Variants in VPS26C observed in about 807,000 individuals in gnomAD.
VPS26C encodes the protein vacuolar protein sorting-associated protein 26C.
Under a neutral mutation model 30.6 loss-of-function variants are expected in VPS26C, and 19 were observed. The ratio of observed to expected loss-of-function variants is 0.62; its 90% CI spans 0.43 to 0.91. The LOEUF (loss-of-function observed/expected upper bound fraction) is 0.91. VPS26C is among the 40% of genes least tolerant of loss of function. The pLI is 0.00. For synonymous variants in VPS26C, 132 were observed against 151.5 expected, an observed-to-expected ratio of 0.87 and a Z score of 0.95; for missense variants, 318 against 385.1, an observed-to-expected ratio of 0.83 and a Z score of 1.46.
intron 1 of VPS26C, among the ~76,000 whole-genome samples, chr21:37,241,779 G>A (rs62226501): frequency 0.16 from 24,995 of 152,170 alleles, 2,579 homozygotes; most frequent in Non-Finnish European, 0.22. Context: ...CTGTGACTAC[G>A]CTACTGCATT....
chr21:37,259,968 A>G (rs750466404), intron 1 of VPS26C, among the ~76,000 whole-genome samples: 18 of 152,218 alleles, frequency 1.2e-4, no homozygotes, highest in Non-Finnish European at 7.3e-5. Flanking sequence ...GGAAGCTAGG[A>G]TAAGTGTCTT....
intron 1 of VPS26C, among the ~76,000 whole-genome samples, chr21:37,250,532 T>C (rs1242264467): frequency 1.3e-5 from 2 of 152,132 alleles, no homozygotes; most frequent in African/African-American, 4.8e-5. Context: ...AATGATAAAC[T>C]AGGTAAAATA....
intron 1 of VPS26C, chr21:37,266,907 A>T: frequency 2.4e-6 from 1 of 418,856 alleles, no homozygotes; most frequent in Non-Finnish European, 4.3e-6. Flanking sequence ...GCGCTCACTG[A>T]GGGAGCTCAA....
intron 5 of VPS26C, among the ~76,000 whole-genome samples, chr21:37,229,773 G>T (rs939018332): frequency 1.3e-5 from 2 of 152,222 alleles, no homozygotes; most frequent in Admixed American, 1.3e-4. Flanking sequence ...TGATCAGGCA[G>T]TGAAGCTCTG....
intron 1 of VPS26C, chr21:37,266,909 G>A (rs950439666): frequency 4.7e-6 from 2 of 421,716 alleles, no homozygotes; most frequent in Non-Finnish European, 8.5e-6. Context: ...GCTCACTGAG[G>A]GAGCTCAAGC....
chr21:37,234,223 C>A lies in VPS26C; in HGVS notation c.352-781G>T, dbSNP rs527736414. Among the ~76,000 whole-genome samples the A allele has an allele frequency of 2.6e-5, 4 of 152,382 alleles. No homozygotes were observed. The South Asian group carries it at 8.3e-4, about 32-fold the overall frequency. On this transcript the variant is annotated intron_variant, in intron 3 of 7. Coordinates refer to ENST00000309117, the MANE Select transcript of VPS26C (RefSeq NM_006052.2). Reference sequence around the variant, plus strand: ...TGGCTAATCTTATTTCTCGAGACATCTGAGGTCTCTCTCCATCTGCCAACA... The same window carrying A: ...TGGCTAATCTTATTTCTCGAGACATATGAGGTCTCTCTCCATCTGCCAACA...
At chr21:37,266,722 T>A (rs2086366158) in intron 1 of VPS26C, 1 of 154,570 alleles carries the variant, frequency 6.5e-6, no homozygotes, top group Non-Finnish European at 1.4e-5. Context: ...GAAAAAGCAG[T>A]AACTTTCGTA....
intron 1 of VPS26C, among the ~76,000 whole-genome samples, chr21:37,264,624 T>C (rs182663082): frequency 2.6e-4 from 40 of 152,292 alleles, no homozygotes; most frequent in African/African-American, 7.7e-4. Context: ...CATTGTTATT[T>C]TGAAACATTT....
chr21:37,255,204 G>C (rs1230397924), intron 1 of VPS26C, among the ~76,000 whole-genome samples: 2 of 152,022 alleles, frequency 1.3e-5, no homozygotes, highest in African/African-American at 4.8e-5. Context: ...CTGAAGAATG[G>C]GATTTCTGCC....
intron 2 of VPS26C, among the ~76,000 whole-genome samples, chr21:37,239,713 CCTGCCTCAGCCTCCCAAGTAG>C (rs1448502603): frequency 6.6e-6 from 1 of 151,926 alleles, no homozygotes; most frequent in Non-Finnish European, 1.5e-5. Flanking sequence ...AAGCGATTCT[CCTGCCTCAGCCTCCCAAGTAG>C]CTGGGGCACA....
intron 1 of VPS26C, chr21:37,261,303 T>A (rs1207298635): frequency 6.6e-6 from 1 of 152,230 alleles, no homozygotes; most frequent in East Asian, 1.9e-4. Context: ...CCATTTTTGC[T>A]TGGGTTGCCT....
chr21:37,264,903 G>A (rs117103828), intron 1 of VPS26C, among the ~76,000 whole-genome samples: 29 of 152,304 alleles, frequency 1.9e-4, no homozygotes, highest in Non-Finnish European at 3.7e-4. Context: ...CAAGAGACCA[G>A]TGGTTAAACA....
intron 1 of VPS26C, among the ~76,000 whole-genome samples, chr21:37,263,586 G>C (rs2086327219): frequency 1.3e-5 from 2 of 152,146 alleles, no homozygotes; most frequent in South Asian, 4.1e-4. Flanking sequence ...ATACTGCCTG[G>C]CTGTCAAACC....
chr21:37,238,280 C>T, intron 3 of VPS26C, 180 bp downstream of exon 3: 1 of 668,944 alleles, frequency 1.5e-6, no homozygotes, highest in Non-Finnish European at 2.4e-6. Context: ...GAAATAACGG[C>T]CATACATCAA....
intron 1 of VPS26C, among the ~76,000 whole-genome samples, chr21:37,256,424 T>C (rs2086244268): frequency 6.6e-6 from 1 of 152,266 alleles, no homozygotes; most frequent in South Asian, 2.1e-4. Flanking sequence ...TATTTTAATA[T>C]GTATTATTAA....
chr21:37,233,474 T>C lies in VPS26C; in HGVS notation c.352-32A>G, dbSNP rs2085988058. ...GGGAGAGTTGGAGGAAAAAAGTTCATTTTAGTGGGATTTGCTTTCATCTTG... is the reference window on the plus strand; with the variant it reads ...GGGAGAGTTGGAGGAAAAAAGTTCACTTTAGTGGGATTTGCTTTCATCTTG... On this transcript the variant is annotated intron_variant, in intron 3 of 7. Coordinates refer to ENST00000309117, the MANE Select transcript of VPS26C (RefSeq NM_006052.2). This position sits in a 1 kb window ranked among gnomAD's most constrained non-coding sequence, Gnocchi z 5.2. The C allele has an allele frequency of 2.6e-6, 4 of 1,511,226 alleles. No individual in the cohort carries two copies. Among genetic ancestry groups the C allele is most frequent in the Non-Finnish European group, 2.8e-6 (3 of 1,086,816 alleles). 93.6% of individuals were successfully genotyped at this position (1,511,226 alleles called of 1,614,324 possible).
chr21:37,247,339 G>A (rs188988788), intron 1 of VPS26C, among the ~76,000 whole-genome samples: 7 of 152,170 alleles, frequency 4.6e-5, no homozygotes, highest in South Asian at 2.1e-4. Context: ...AGGTAGTAGC[G>A]GGAAGAAAGG....
At chr21:37,238,323 C>T (rs767519324) in intron 3 of VPS26C, 137 bp downstream of exon 3, 7 of 968,930 alleles carry the variant, frequency 7.2e-6, no homozygotes, top group African/African-American at 6.7e-5. Context: ...AAATTAACGT[C>T]GAATATACAT....
At chr21:37,234,380 CT>C (rs993639000) in intron 3 of VPS26C, among the ~76,000 whole-genome samples, 2 of 152,198 alleles carry the variant, frequency 1.3e-5, no homozygotes, top group Non-Finnish European at 2.9e-5. Flanking sequence ...GTTTTCTGAG[CT>C]GGTTGCTACC....
Sources: gnomAD v4.1 joint callset for allele counts (sites outside exome capture counted in the v4.1 genomes callset) on GRCh38, gnomAD v4.1.1 for gene constraint, Gnocchi (gnomAD v3.1) non-coding constraint, MANE v1.5 for transcripts, NCBI Gene and HGNC (gene_info 2026-07-23, HGNC 2026-07-21) for gene names.